Variants in PKIB observed in about 807,000 individuals in gnomAD.
The protein encoded by PKIB is PKI-beta.
In PKIB, 2 loss-of-function variants were observed where a neutral mutation model predicts 4.5. The ratio of observed to expected loss-of-function variants is 0.44; its 90% CI spans 0.18 to 1.39. The LOEUF is 1.39. Among genes scored for constraint, PKIB ranks in the 40% most tolerant of loss-of-function variants. The pLI, the probability that PKIB is intolerant of heterozygous loss-of-function variation, is 0.27. For missense variants in PKIB, 94 were observed against 92.6 expected, an observed-to-expected ratio of 1.02 and a Z score of -0.06; for synonymous variants, 38 against 36.0, an observed-to-expected ratio of 1.06 and a Z score of -0.20.
At chr6:122,718,072 T>G in intron 4 of PKIB, 109 bp downstream of exon 4, 1 of 1,140,924 alleles carries the variant, frequency 8.8e-7, no homozygotes, top group Non-Finnish European at 1.2e-6. Context: ...GTTTCCTTAT[T>G]TGTTTACTTA....
At chr6:122,703,799 T>C (rs1778929215) in intron 3 of PKIB, among the ~76,000 whole-genome samples, 1 of 150,256 alleles carries the variant, frequency 6.7e-6, no homozygotes, top group Non-Finnish European at 1.5e-5. Flanking sequence ...TACATATATG[T>C]ATATATGTAT....
intron 3 of PKIB, among the ~76,000 whole-genome samples, chr6:122,680,997 G>A (rs1226252103): frequency 6.6e-6 from 1 of 151,976 alleles, no homozygotes; most frequent in African/African-American, 2.4e-5. Flanking sequence ...CCTTTGCTGT[G>A]GCCACACTGA....
At chr6:122,615,425 G>A (rs902192349) in intron 1 of PKIB, among the ~76,000 whole-genome samples, 1 of 152,100 alleles carries the variant, frequency 6.6e-6, no homozygotes, top group African/African-American at 2.4e-5. Context: ...TGGTAGTTGG[G>A]ATATGAAGTT....
intron 3 of PKIB, among the ~76,000 whole-genome samples, chr6:122,693,373 G>A (rs1485985151): frequency 6.6e-6 from 1 of 152,130 alleles, no homozygotes; most frequent in African/African-American, 2.4e-5. Flanking sequence ...ATTATGACAA[G>A]CTGAGTCAGC....
intron 3 of PKIB, among the ~76,000 whole-genome samples, chr6:122,693,048 A>G (rs1300028074): frequency 1.3e-5 from 2 of 152,280 alleles, no homozygotes; most frequent in Non-Finnish European, 2.9e-5. Context: ...ATGCAAGTAC[A>G]TAAAAACAAG....
At chr6:122,696,922 G>A (rs1778599606) in intron 3 of PKIB, among the ~76,000 whole-genome samples, 1 of 152,160 alleles carries the variant, frequency 6.6e-6, no homozygotes, top group Non-Finnish European at 1.5e-5. Context: ...GGGTGTCTTA[G>A]TCACCTCCTA....
At chr6:122,516,515 G>A (rs988025188) in intron 2 of PKIB, among the ~76,000 whole-genome samples, 6 of 152,224 alleles carry the variant, frequency 3.9e-5, no homozygotes, top group African/African-American at 1.2e-4. Context: ...TAATCAATAT[G>A]TTCTCCTTGT....
chr6:122,473,555 G>T (rs896415798), intron 1 of PKIB, among the ~76,000 whole-genome samples: 1 of 152,078 alleles, frequency 6.6e-6, no homozygotes, highest in Non-Finnish European at 1.5e-5. Context: ...GCTCACTTAA[G>T]TTATTATATA....
chr6:122,657,809 A>G (rs1315547701), intron 2 of PKIB, among the ~76,000 whole-genome samples: 1 of 152,246 alleles, frequency 6.6e-6, no homozygotes, highest in African/African-American at 2.4e-5. Context: ...TCATAAAACC[A>G]ATAAAAATTC....
intron 2 of PKIB, among the ~76,000 whole-genome samples, chr6:122,546,275 C>T (rs1398871867): frequency 6.6e-6 from 1 of 151,994 alleles, no homozygotes; most frequent in African/African-American, 2.4e-5. Flanking sequence ...ATGAGGGACT[C>T]TTGGTTGGAC....
intron 2 of PKIB, among the ~76,000 whole-genome samples, chr6:122,519,526 T>C (rs1361679187): frequency 6.6e-6 from 1 of 152,182 alleles, no homozygotes; most frequent in East Asian, 1.9e-4. Context: ...TGGAGACCAC[T>C]GTTTTAGGTT....
chr6:122,619,120 A>G (rs972489189), intron 1 of PKIB, among the ~76,000 whole-genome samples: 1 of 151,618 alleles, frequency 6.6e-6, no homozygotes, highest in Non-Finnish European at 1.5e-5. Flanking sequence ...ATTGATAAAT[A>G]TATCAACCTT....
chr6:122,614,839 T>G (rs1165590699), intron 1 of PKIB, among the ~76,000 whole-genome samples: 3 of 152,162 alleles, frequency 2.0e-5, no homozygotes, highest in Non-Finnish European at 4.4e-5. Flanking sequence ...TTACAACTCA[T>G]GCAATTACAT....
chr6:122,634,911 C>A (rs1023920297), intron 2 of PKIB, among the ~76,000 whole-genome samples: 2 of 151,240 alleles, frequency 1.3e-5, no homozygotes, highest in Non-Finnish European at 1.5e-5. Context: ...CACTGCACTC[C>A]AGCCTGGGTG....
chr6:122,504,866 C>G (rs1320030513), intron 2 of PKIB, among the ~76,000 whole-genome samples: 1 of 152,068 alleles, frequency 6.6e-6, no homozygotes, highest in East Asian at 1.9e-4. Flanking sequence ...AGCCTCAACA[C>G]CATCCGTAGG....
chr6:122,670,345 A>C (rs996744409), intron 2 of PKIB, among the ~76,000 whole-genome samples: 1 of 152,160 alleles, frequency 6.6e-6, no homozygotes, highest in African/African-American at 2.4e-5. Context: ...AGTATTCCCT[A>C]CACTCGTCTT....
At chr6:122,523,719 G>A (rs1777015055) in intron 2 of PKIB, among the ~76,000 whole-genome samples, 1 of 151,640 alleles carries the variant, frequency 6.6e-6, no homozygotes, top group African/African-American at 2.4e-5. Context: ...GGAGATGAAG[G>A]TTGCGGTGAG....
rs1007732099 is a variant in PKIB at position 122,586,417 on chromosome 6, C to G, written c.-161+410C>G. 3.3e-5 allele frequency among the ~76,000 whole-genome samples: 5 copies of G among 152,094 alleles called. No homozygotes were observed. The East Asian group carries it at 7.7e-4, about 23-fold the overall frequency. On this transcript the variant is annotated intron_variant, in intron 3 of 6. Transcript: ENST00000392491. ...TCAGCTGACTGATAATTCCACATTA[C>G]AAATTACGTTGTCTTTATTTTGATT... is the stretch of plus-strand genomic sequence containing the variant.
At chr6:122,619,805 T>G (rs1375634652) in intron 1 of PKIB, among the ~76,000 whole-genome samples, 1 of 152,192 alleles carries the variant, frequency 6.6e-6, no homozygotes, top group Non-Finnish European at 1.5e-5. Flanking sequence ...GTGTTGAAAC[T>G]TTGTTATATG....
Sources: allele counts gnomAD v4.1 joint callset (sites outside exome capture counted in the v4.1 genomes callset), GRCh38; gene constraint gnomAD v4.1.1; transcripts MANE v1.5; gene names NCBI Gene and HGNC (gene_info 2026-07-23, HGNC 2026-07-21).